NLGN1: variants seen among roughly 807,000 people sequenced by gnomAD.
The protein encoded by NLGN1 is neuroligin-1.
In NLGN1, 12 loss-of-function variants were observed where a neutral mutation model predicts 65.5. That is an observed-to-expected ratio of 0.18 (90% CI 0.12 to 0.30). NLGN1 has a LOEUF of 0.30. NLGN1 is among the 10% of genes least tolerant of loss of function. The pLI is 1.00. For synonymous variants in NLGN1, 350 were observed against 359.5 expected (o/e 0.97, Z 0.30); for missense variants, 750 against 1,007.1 (o/e 0.74, Z 3.46).
chr3:173,843,930 T>C (rs1296958132), intron 4 of NLGN1, among the ~76,000 whole-genome samples: 1 of 152,184 alleles, frequency 6.6e-6, no homozygotes, highest in Non-Finnish European at 1.5e-5. Context: ...GATAAAGACA[T>C]ACCCAAAACT....
intron 4 of NLGN1, among the ~76,000 whole-genome samples, chr3:173,935,529 A>C (rs917163599): frequency 2.6e-5 from 4 of 151,824 alleles, no homozygotes; most frequent in African/African-American, 7.3e-5. Flanking sequence ...CCACAAAGTT[A>C]GCCAACTTCT....
intron 4 of NLGN1, among the ~76,000 whole-genome samples, chr3:174,110,996 G>A (rs776436832): frequency 2.2e-4 from 33 of 151,922 alleles, no homozygotes; most frequent in Non-Finnish European, 3.8e-4. Flanking sequence ...TTTATCGTCA[G>A]TCCTTATACA....
At chr3:173,725,742 T>C (rs747720409) in intron 3 of NLGN1, among the ~76,000 whole-genome samples, 2 of 152,168 alleles carry the variant, frequency 1.3e-5, no homozygotes, top group Non-Finnish European at 2.9e-5. Context: ...CCACCAGATG[T>C]TGGCAAGGGC....
At chr3:173,766,659 A>G (rs1778829024) in intron 3 of NLGN1, among the ~76,000 whole-genome samples, 2 of 152,190 alleles carry the variant, frequency 1.3e-5, no homozygotes, top group Admixed American at 6.5e-5. Context: ...TTAGAGGAGC[A>G]GCAGGACCTC....
At chr3:173,947,594 G>A (rs1197828412) in intron 4 of NLGN1, among the ~76,000 whole-genome samples, 3 of 152,058 alleles carry the variant, frequency 2.0e-5, no homozygotes, top group Non-Finnish European at 4.4e-5. Context: ...TAATTTTATG[G>A]ATGAAAAATA....
At chr3:173,565,655 G>A (rs1478061948) in intron 2 of NLGN1, among the ~76,000 whole-genome samples, 1 of 152,108 alleles carries the variant, frequency 6.6e-6, no homozygotes, top group Non-Finnish European at 1.5e-5. Context: ...TCACCACAGA[G>A]AAAAAAGCAG....
chr3:173,767,163 T>C (rs1242767821), intron 3 of NLGN1, among the ~76,000 whole-genome samples: 1 of 152,188 alleles, frequency 6.6e-6, no homozygotes, highest in African/African-American at 2.4e-5. Context: ...TGGCGTGTTT[T>C]TCTTCAATAA....
chr3:174,193,830 C>T (rs1445876345), intron 4 of NLGN1, among the ~76,000 whole-genome samples: 2 of 152,122 alleles, frequency 1.3e-5, no homozygotes, highest in Non-Finnish European at 2.9e-5. Flanking sequence ...ACAAATTCTT[C>T]TCTGACATTG....
rs1751216362 is a variant in NLGN1, at chr3:174,279,598, G to A, written c.1597G>A (p.Val533Met). Residue 533 changes from valine (V) to methionine (M), a missense_variant, in exon 6 of 7, where the codon GTG (valine) becomes ATG (methionine). Val to Met is a conservative substitution (Grantham distance 21). Transcript: ENST00000457714. This position sits in a 1 kb window ranked among gnomAD's most constrained non-coding sequence, Gnocchi z 4.7. ...TCCTTGCAATTTCTCCAAAAATGAT[G>A]TGATGCTGAGTGCAGTTGTAATGAC... 6.2e-7 allele frequency: 1 copy of A among 1,612,960 alleles called. No homozygotes were observed. Among genetic ancestry groups the A allele is most frequent in the African/African-American group, 1.3e-5 (1 of 74,814 alleles).
chr3:173,800,958 G>A (rs537289379), intron 3 of NLGN1, among the ~76,000 whole-genome samples: 1 of 152,062 alleles, frequency 6.6e-6, no homozygotes, highest in South Asian at 2.1e-4. Context: ...TTAGAAAACT[G>A]TAGTAAACAT....
At chr3:173,683,869 A>G (rs1009373555) in intron 3 of NLGN1, among the ~76,000 whole-genome samples, 1 of 152,142 alleles carries the variant, frequency 6.6e-6, no homozygotes, top group African/African-American at 2.4e-5. Flanking sequence ...TTGCAGATAA[A>G]AAAACAGAGG....
At chr3:173,571,820 C>T (rs754261798) in intron 2 of NLGN1, among the ~76,000 whole-genome samples, 1 of 152,076 alleles carries the variant, frequency 6.6e-6, no homozygotes, top group Non-Finnish European at 1.5e-5. Context: ...AGCCCTTTCT[C>T]CTATTAATAA....
intron 2 of NLGN1, among the ~76,000 whole-genome samples, chr3:173,515,921 G>A (rs993055468): frequency 6.6e-6 from 1 of 151,886 alleles, no homozygotes; most frequent in Admixed American, 6.6e-5. Flanking sequence ...CTGTCTGTAT[G>A]CCAGTAGCAC....
At chr3:173,437,130 A>T (rs1355842844) in intron 2 of NLGN1, among the ~76,000 whole-genome samples, 1 of 152,246 alleles carries the variant, frequency 6.6e-6, no homozygotes, top group East Asian at 1.9e-4. Flanking sequence ...TAGAAATAAG[A>T]TGAGAAACCT....
At chr3:173,453,167 A>T (rs1721922995) in intron 2 of NLGN1, among the ~76,000 whole-genome samples, 1 of 151,240 alleles carries the variant, frequency 6.6e-6, no homozygotes, top group Non-Finnish European at 1.5e-5. Flanking sequence ...TGGTGCAATC[A>T]CGGCTCACTG....
intron 4 of NLGN1, among the ~76,000 whole-genome samples, chr3:173,922,524 A>G (rs900035995): frequency 6.6e-6 from 1 of 152,118 alleles, no homozygotes; most frequent in Admixed American, 6.6e-5. Context: ...TCATAAAACT[A>G]TTATACTTTC....
chr3:173,674,573 A>AT (rs536595984), intron 3 of NLGN1, among the ~76,000 whole-genome samples: 264 of 152,252 alleles, frequency 1.7e-3, no homozygotes, highest in Non-Finnish European at 2.9e-3. Context: ...TTACAGGAAC[A>AT]TTTTTTAAAG....
chr3:173,404,667 G>A (rs905086240), intron 1 of NLGN1, among the ~76,000 whole-genome samples: 2 of 152,090 alleles, frequency 1.3e-5, no homozygotes, highest in South Asian at 4.1e-4. Flanking sequence ...GTATGTTTTT[G>A]AGTATCTACC....
intron 3 of NLGN1, among the ~76,000 whole-genome samples, chr3:173,759,314 T>G (rs1777606045): frequency 6.6e-6 from 1 of 151,992 alleles, no homozygotes; most frequent in Admixed American, 6.6e-5. Context: ...TTAAATAATT[T>G]TATAATATTA....
Sources: allele counts gnomAD v4.1 joint callset (sites outside exome capture counted in the v4.1 genomes callset), GRCh38; gene constraint gnomAD v4.1.1; non-coding constraint Gnocchi (gnomAD v3.1); transcripts MANE v1.5; gene names NCBI Gene and HGNC (gene_info 2026-07-23, HGNC 2026-07-21).